The following SCRG1 variants were observed in gnomAD, a reference collection of about 807,000 sequenced individuals.
SCRG1 encodes the protein stimulator of chondrogenesis 1.
A neutral mutation model predicts 7.7 loss-of-function variants in SCRG1; 3 were observed. The ratio of observed to expected loss-of-function variants is 0.39; its 90% CI spans 0.18 to 1.01. The LOEUF (loss-of-function observed/expected upper bound fraction) is 1.01, where lower values mean the gene tolerates loss of function less well. Among genes scored for constraint, SCRG1 ranks in the 50% least tolerant of loss-of-function variants. The probability of loss-of-function intolerance (pLI) is 0.36; values close to 1 mark genes in which losing one functional copy is unlikely to be tolerated. For missense variants in SCRG1, 110 were observed against 117.2 expected (o/e 0.94, Z 0.28); for synonymous variants, 46 against 41.2 (o/e 1.12, Z -0.44).
At chr4:173,509,334 C>G in the SCRG1 span, among the ~76,000 whole-genome samples, 2 of 152,164 alleles carry the variant, frequency 1.3e-5, no homozygotes, top group South Asian at 2.1e-4. The surrounding 1 kb of genome is among the most constrained non-coding windows in gnomAD (Gnocchi z 5.7). Context: ...AAAGCCCTCG[C>G]GCGCTCTGAG....
the SCRG1 span, among the ~76,000 whole-genome samples, chr4:173,485,488 C>T: frequency 6.6e-6 from 1 of 151,590 alleles, no homozygotes; most frequent in South Asian, 2.1e-4. Flanking sequence ...CAGACAAACC[C>T]AGCAGAAGAA....
the SCRG1 span, among the ~76,000 whole-genome samples, chr4:173,515,408 C>A: frequency 9.0e-5 from 12 of 133,552 alleles, no homozygotes; most frequent in Non-Finnish European, 1.8e-4. The surrounding 1 kb of genome is among the most constrained non-coding windows in gnomAD (Gnocchi z 4.6). Context: ...CAGAAGGAGT[C>A]AAGGTGTTTG....
the SCRG1 span, chr4:173,419,574 C>G: frequency 1.4e-6 from 1 of 728,514 alleles, no homozygotes; most frequent in South Asian, 1.4e-5. Context: ...GCATTAAATT[C>G]CTTGTTTTCA....
At chr4:173,482,310 A>C in the SCRG1 span, among the ~76,000 whole-genome samples, 1 of 152,184 alleles carries the variant, frequency 6.6e-6, no homozygotes, top group African/African-American at 2.4e-5. Context: ...AATAGGTTAG[A>C]GACTCTTAAC....
the SCRG1 span, among the ~76,000 whole-genome samples, chr4:173,485,076 T>A: frequency 0.17 from 904 of 5,232 alleles, 176 homozygotes; most frequent in Non-Finnish European, 0.21. Context: ...ATATTATATA[T>A]TATATAATAT....
chr4:173,459,361 C>T, the SCRG1 span, among the ~76,000 whole-genome samples: 1,593 of 152,198 alleles, frequency 0.01, 16 homozygotes, highest in Non-Finnish European at 0.017. Context: ...ATATCTTAGG[C>T]CACAAAACAA....
chr4:173,497,673 CTT>C, the SCRG1 span, among the ~76,000 whole-genome samples: 488 of 91,876 alleles, frequency 5.3e-3, 1 homozygote, highest in Middle Eastern at 0.03. Context: ...AAAACTTACT[CTT>C]TTTTTTTTTT....
chr4:173,424,274 T>C, the SCRG1 span, among the ~76,000 whole-genome samples: 1 of 152,204 alleles, frequency 6.6e-6, no homozygotes, highest in Admixed American at 6.5e-5. Flanking sequence ...TATTAGCATT[T>C]AGCTATTTGG....
At chr4:173,417,600 C>CTCCT in the SCRG1 span, among the ~76,000 whole-genome samples, 105 of 151,630 alleles carry the variant, frequency 6.9e-4, no homozygotes, top group African/African-American at 2.4e-3. Flanking sequence ...CCCTCCCTCC[C>CTCCT]TCCTTCCTTC....
chr4:173,452,511 T>A, the SCRG1 span, among the ~76,000 whole-genome samples: 1 of 152,186 alleles, frequency 6.6e-6, no homozygotes, highest in Non-Finnish European at 1.5e-5. Flanking sequence ...TCTCAGATTT[T>A]AAAAAATCAG....
At chr4:173,469,015 T>C in the SCRG1 span, 2 of 152,160 alleles carry the variant, frequency 1.3e-5, no homozygotes, top group Non-Finnish European at 2.9e-5. Context: ...CTCTGAAGTG[T>C]CCCCAGTGCA....
intron 2 of SCRG1, among the ~76,000 whole-genome samples, chr4:173,389,336 C>A (rs891739959): frequency 1.3e-5 from 2 of 152,090 alleles, no homozygotes; most frequent in South Asian, 2.1e-4. Flanking sequence ...ATATCGAGAC[C>A]ATCCTGACCA....
the SCRG1 span, among the ~76,000 whole-genome samples, chr4:173,453,922 C>CA: frequency 6.6e-6 from 1 of 151,882 alleles, no homozygotes; most frequent in Non-Finnish European, 1.5e-5. Flanking sequence ...ACTAAAAATA[C>CA]AAAAAATTAG....
chr4:173,389,242 T>C (rs755851251), intron 2 of SCRG1, among the ~76,000 whole-genome samples: 22 of 152,154 alleles, frequency 1.4e-4, no homozygotes, highest in Non-Finnish European at 2.6e-4. Context: ...AAAACATAAT[T>C]GCTGGGTCCC....
the SCRG1 span, among the ~76,000 whole-genome samples, chr4:173,518,819 T>C: frequency 6.6e-6 from 1 of 152,148 alleles, no homozygotes. Context: ...CAAGGTATTC[T>C]CTGCTTCCGC....
At chr4:173,429,293 T>A in the SCRG1 span, among the ~76,000 whole-genome samples, 202 of 55,664 alleles carry the variant, frequency 3.6e-3, 2 homozygotes, top group East Asian at 0.15. Context: ...AGAAAAAAAA[T>A]TTTTTTTTTG....
chr4:173,405,101 T>C (rs959399489), intron 1 of SCRG1, among the ~76,000 whole-genome samples: 2 of 152,180 alleles, frequency 1.3e-5, no homozygotes, highest in African/African-American at 2.4e-5. Context: ...CGGGATCCCC[T>C]GCCCAGAACA....
intron 1 of SCRG1, among the ~76,000 whole-genome samples, chr4:173,393,297 T>C (rs1739505734): frequency 1.3e-5 from 2 of 152,240 alleles, no homozygotes; most frequent in African/African-American, 4.8e-5. Context: ...TCTCACATTC[T>C]AATTTGAGTT....
the SCRG1 span, among the ~76,000 whole-genome samples, chr4:173,434,264 T>C: frequency 1.3e-5 from 2 of 152,226 alleles, no homozygotes; most frequent in East Asian, 3.8e-4. Context: ...ACAATATCCC[T>C]TGAGATAATA....
Sources: allele counts gnomAD v4.1 joint callset (sites outside exome capture counted in the v4.1 genomes callset), GRCh38; gene constraint gnomAD v4.1.1; non-coding constraint Gnocchi (gnomAD v3.1); transcripts MANE v1.5; gene names NCBI Gene and HGNC (gene_info 2026-07-23, HGNC 2026-07-21).